The following NEO1 variants were observed in gnomAD, a reference collection of about 807,000 sequenced individuals.
The protein encoded by NEO1 is neogenin.
A neutral mutation model predicts 159.7 loss-of-function variants in NEO1; 63 were observed. The observed-to-expected ratio is 0.39, with a 90% CI of 0.32 to 0.49. NEO1 has a LOEUF of 0.49. Ranked by LOEUF, NEO1 falls within the 20% of genes least tolerant of loss-of-function variation. The pLI is 0.85. For missense variants in NEO1, 1,615 were observed against 1,831.0 expected (o/e 0.88, Z 2.15); for synonymous variants, 633 against 662.0 (o/e 0.96, Z 0.67).
At chr15:73,182,288 A>G (rs555370101) in intron 7 of NEO1, among the ~76,000 whole-genome samples, 2 of 152,164 alleles carry the variant, frequency 1.3e-5, no homozygotes. Context: ...TCCAAACCAT[A>G]TCACTAGAAG....
At chr15:73,284,401 C>G (rs2041857086) in intron 23 of NEO1, among the ~76,000 whole-genome samples, 1 of 152,046 alleles carries the variant, frequency 6.6e-6, no homozygotes, top group Non-Finnish European at 1.5e-5. Flanking sequence ...TACAGGCCAC[C>G]CTGTAACTGC....
intron 7 of NEO1, among the ~76,000 whole-genome samples, chr15:73,182,890 C>A (rs2035696400): frequency 6.6e-6 from 1 of 152,166 alleles, no homozygotes; most frequent in African/African-American, 2.4e-5. Context: ...CCCCACACAA[C>A]CCCCTCAAAG....
intron 1 of NEO1, among the ~76,000 whole-genome samples, chr15:73,115,337 A>T (rs915994270): frequency 2.6e-5 from 4 of 152,206 alleles, no homozygotes; most frequent in East Asian, 1.9e-4. Flanking sequence ...CACCGTGCCC[A>T]GCCACCTCTT....
intron 16 of NEO1, among the ~76,000 whole-genome samples, chr15:73,268,646 G>T (rs1226633471): frequency 6.6e-6 from 1 of 152,158 alleles, no homozygotes; most frequent in Non-Finnish European, 1.5e-5. Context: ...AGTAATAAGG[G>T]CTAGTCACCA....
At chr15:73,162,528 G>C (rs2034263594) in intron 5 of NEO1, among the ~76,000 whole-genome samples, 1 of 151,882 alleles carries the variant, frequency 6.6e-6, no homozygotes, top group South Asian at 2.1e-4. Flanking sequence ...GAGTAGCTGG[G>C]GTTATAGGTG....
chr15:73,207,089 C>G (rs906081624), intron 7 of NEO1, among the ~76,000 whole-genome samples: 3 of 152,152 alleles, frequency 2.0e-5, no homozygotes, highest in African/African-American at 7.2e-5. Flanking sequence ...GGAAGGTAGA[C>G]AAGTATGGCT....
At chr15:73,250,934 ATG>A (rs1749370214) in intron 11 of NEO1, among the ~76,000 whole-genome samples, 1 of 152,152 alleles carries the variant, frequency 6.6e-6, no homozygotes, top group African/African-American at 2.4e-5. Flanking sequence ...AAATTTCTGA[ATG>A]TGATTGTTGT....
At chr15:73,195,267 A>G (rs1193731467) in intron 7 of NEO1, among the ~76,000 whole-genome samples, 2 of 152,232 alleles carry the variant, frequency 1.3e-5, no homozygotes, top group Non-Finnish European at 1.5e-5. Flanking sequence ...GTATGTCTGA[A>G]TATCTTTTAA....
At position 73,231,499 on chromosome 15, in the gene NEO1, G is replaced by A. The variant is rs569159974; in HGVS notation, c.1292-4848G>A. Among the ~76,000 whole-genome samples, 7 of 152,270 alleles carry A rather than the reference G, an allele frequency of 4.6e-5. No individual in the cohort carries two copies. In the South Asian group the frequency reaches 8.3e-4, roughly 18 times the overall value. ...GTAATCCCAGCACTTTTGAGAGGCCGAAGTGGGTGGATTGCATGAGCTCAG... is the reference window on the plus strand; with the variant it reads ...GTAATCCCAGCACTTTTGAGAGGCCAAAGTGGGTGGATTGCATGAGCTCAG... On this transcript the variant is annotated intron_variant, in intron 7 of 28. Transcript: ENST00000261908.
intron 5 of NEO1, among the ~76,000 whole-genome samples, chr15:73,153,176 G>A (rs1381170476): frequency 2.0e-5 from 3 of 152,128 alleles, no homozygotes; most frequent in Non-Finnish European, 4.4e-5. Flanking sequence ...TTTCTCATTG[G>A]ACTGGATGAT....
chr15:73,286,976 T>C (rs1018977098), intron 23 of NEO1, among the ~76,000 whole-genome samples: 4 of 152,174 alleles, frequency 2.6e-5, no homozygotes, highest in Non-Finnish European at 5.9e-5. Context: ...TGGTATAAAG[T>C]TTTAACTCAA....
chr15:73,170,712 G>GT (rs1332868181), intron 5 of NEO1, among the ~76,000 whole-genome samples: 1 of 152,158 alleles, frequency 6.6e-6, no homozygotes, highest in African/African-American at 2.4e-5. Context: ...TTTTGAAAAC[G>GT]TAAGTGAAGG....
At chr15:73,069,811 G>A (rs1207481318) in intron 1 of NEO1, among the ~76,000 whole-genome samples, 1 of 152,080 alleles carries the variant, frequency 6.6e-6, no homozygotes, top group Non-Finnish European at 1.5e-5. Context: ...GTTTAGTAAG[G>A]TAGGTAGGAC....
At chr15:73,114,054 G>C (rs1284799234) in intron 1 of NEO1, among the ~76,000 whole-genome samples, 1 of 152,132 alleles carries the variant, frequency 6.6e-6, no homozygotes, top group Non-Finnish European at 1.5e-5. Context: ...AGAACATTTG[G>C]AGTGCTCTGT....
chr15:73,116,977 AG>A (rs2071362021), intron 2 of NEO1, 120 bp downstream of exon 2: 2 of 788,146 alleles, frequency 2.5e-6, no homozygotes, highest in African/African-American at 3.5e-5. Context: ...CTCATTTAAC[AG>A]ATATCAATTG....
intron 11 of NEO1, among the ~76,000 whole-genome samples, chr15:73,249,943 G>C (rs1326875593): frequency 1.3e-5 from 2 of 152,160 alleles, no homozygotes; most frequent in African/African-American, 4.8e-5. Flanking sequence ...AGAAAGCATA[G>C]AGCATAAAGT....
At chr15:73,173,721 G>A (rs889863081) in intron 5 of NEO1, among the ~76,000 whole-genome samples, 7 of 152,184 alleles carry the variant, frequency 4.6e-5, no homozygotes, top group African/African-American at 1.7e-4. Flanking sequence ...AATATTGGCA[G>A]CATGTATAGC....
intron 5 of NEO1, among the ~76,000 whole-genome samples, chr15:73,174,305 A>G (rs576241914): frequency 2.8e-4 from 43 of 152,246 alleles, no homozygotes; most frequent in African/African-American, 1.0e-3. Flanking sequence ...CTATGGGCCA[A>G]AGCTGGGGCA....
At chr15:73,159,965 C>T (rs2034055050) in intron 5 of NEO1, among the ~76,000 whole-genome samples, 1 of 152,052 alleles carries the variant, frequency 6.6e-6, no homozygotes, top group African/African-American at 2.4e-5. Context: ...AACATCTTTT[C>T]TCATATATTA....
Sources: allele counts gnomAD v4.1 joint callset (sites outside exome capture counted in the v4.1 genomes callset), GRCh38; gene constraint gnomAD v4.1.1; transcripts MANE v1.5; gene names NCBI Gene and HGNC (gene_info 2026-07-23, HGNC 2026-07-21).